The following SLC26A11 variants were observed in gnomAD, a reference collection of about 807,000 sequenced individuals.
The protein encoded by SLC26A11 is sodium-independent sulfate anion transporter.
A neutral mutation model predicts 62.2 loss-of-function variants in SLC26A11; 58 were observed. The observed-to-expected ratio is 0.93, with a 90% CI of 0.76 to 1.16. SLC26A11 has a LOEUF of 1.16. SLC26A11 is among the 50% of genes most tolerant of loss of function. The probability of loss-of-function intolerance (pLI) is 0.00; values close to 1 mark genes in which losing one functional copy is unlikely to be tolerated. For missense variants in SLC26A11, 790 were observed against 794.3 expected (o/e 0.99, Z 0.06); for synonymous variants, 411 against 368.9 (o/e 1.11, Z -1.31).
intron 11 of SLC26A11, 116 bp downstream of exon 11, chr17:80,245,372 C>T (rs939857504): frequency 1.5e-5 from 15 of 979,042 alleles, no homozygotes; most frequent in Middle Eastern, 2.1e-4. Context: ...GTGAACGCTC[C>T]GTGGAGAGGC....
chr17:80,250,837 C>G (rs144869309), intron 16 of SLC26A11, among the ~76,000 whole-genome samples: 99 of 150,118 alleles, frequency 6.6e-4, no homozygotes, highest in African/African-American at 2.3e-3. Flanking sequence ...CAAAAACAAA[C>G]AAACAAACAA....
rs555866920 is a variant in SLC26A11 at position 80,246,216 on chromosome 17, C to A, written c.1153+7C>A. On this transcript the variant is annotated splice_region_variant and intron_variant, in intron 12 of 17. Transcript: ENST00000361193. The surrounding 1 kb of genome is among the most constrained non-coding windows in gnomAD (Gnocchi z 4.4). Reference sequence around the variant, plus strand: ...GCGGGGGGCCTGGTGACGGGTAAGGCCCCCCATCTTCCCCTTGTGCCCGCA... The same window carrying A: ...GCGGGGGGCCTGGTGACGGGTAAGGACCCCCATCTTCCCCTTGTGCCCGCA... The A allele has an allele frequency of 2.5e-6, 4 of 1,608,220 alleles. No homozygotes were observed. The East Asian group carries it at 6.7e-5, about 27-fold the overall frequency.
Position 80,251,408 on chromosome 17 carries a change from A to G in SLC26A11, c.1729+7A>G, listed in dbSNP as rs776669792. 1.2e-6 allele frequency: 2 copies of G among 1,613,956 alleles called. No individual in the cohort carries two copies. The highest frequency in any genetic ancestry group is 1.1e-5 in the South Asian group (1 of 91,054). ...TCTACCCTGGAAGAAGCAGGTGGGC[A>G]CAGTCAGACATCCTGTGGCTTTGGT... On this transcript the variant is annotated splice_region_variant and intron_variant, in intron 17 of 17. Transcript: ENST00000361193.
intron 9 of SLC26A11, among the ~76,000 whole-genome samples, chr17:80,238,129 G>A (rs572731503): frequency 6.6e-5 from 10 of 152,318 alleles, no homozygotes; most frequent in East Asian, 3.9e-4. Context: ...AGGCTGAGAC[G>A]GGAGGATCAC....
At chr17:80,231,457 C>T (rs1287922090) in intron 7 of SLC26A11, among the ~76,000 whole-genome samples, 1 of 152,192 alleles carries the variant, frequency 6.6e-6, no homozygotes, top group Non-Finnish European at 1.5e-5. Flanking sequence ...AGCCACTGTG[C>T]CCGGCCTTTT....
At chr17:80,250,731 G>A (rs2043134245) in intron 16 of SLC26A11, among the ~76,000 whole-genome samples, 1 of 152,136 alleles carries the variant, frequency 6.6e-6, no homozygotes, top group African/African-American at 2.4e-5. Flanking sequence ...GGGGGCTGAG[G>A]CAGGAGAATC....
At chr17:80,240,585 C>T (rs1003809695) in intron 9 of SLC26A11, among the ~76,000 whole-genome samples, 1 of 151,620 alleles carries the variant, frequency 6.6e-6, no homozygotes, top group African/African-American at 2.4e-5. Context: ...GGCGGATCAC[C>T]TGAGGTCAGG....
chr17:80,247,358 T>C (rs1279672567), intron 13 of SLC26A11, among the ~76,000 whole-genome samples: 1 of 152,126 alleles, frequency 6.6e-6, no homozygotes, highest in African/African-American at 2.4e-5. Context: ...AGCTGTTGGG[T>C]ACACCTCCCA....
At chr17:80,243,208 A>G (rs2042909646) in intron 10 of SLC26A11, among the ~76,000 whole-genome samples, 1 of 152,214 alleles carries the variant, frequency 6.6e-6, no homozygotes, top group Non-Finnish European at 1.5e-5. Flanking sequence ...GTTGGGTCAC[A>G]AAGGGACGTT....
chr17:80,221,646 C>T lies in SLC26A11; in HGVS notation c.86C>T (p.Ala29Val), dbSNP rs1424889074. The T allele has an allele frequency of 1.9e-6, 3 of 1,612,210 alleles. No individual in the cohort carries two copies. The highest frequency in any genetic ancestry group is 1.1e-5 in the South Asian group (1 of 91,058). Residue 29 changes from alanine to valine, a missense_variant, in exon 3 of 18, where the codon GCC becomes GTC. Coordinates refer to ENST00000361193, the MANE Select transcript of SLC26A11 (RefSeq NM_001166347.2). Reference protein sequence around the residue: ...APSACCCSPAALQRRLPILAW... With the variant: ...APSACCCSPAVLQRRLPILAW... ...AGCGCCTGCTGCTGCTCCCCTGCGGCCCTGCAGAGGAGGCTGCCCATCCTG... is the reference window on the plus strand; with the variant it reads ...AGCGCCTGCTGCTGCTCCCCTGCGGTCCTGCAGAGGAGGCTGCCCATCCTG...
At chr17:80,236,104 T>G (rs2042682534) in intron 7 of SLC26A11, among the ~76,000 whole-genome samples, 1 of 152,216 alleles carries the variant, frequency 6.6e-6, no homozygotes. Flanking sequence ...GGTAAAACCC[T>G]CTGGAGTCCC....
chr17:80,245,172 C>T (rs767337208), intron 10 of SLC26A11, 24 bp from the exon 11 acceptor site: 6 of 1,612,390 alleles, frequency 3.7e-6, no homozygotes, highest in African/African-American at 2.7e-5. Flanking sequence ...CCTCCACGAT[C>T]AGCCTGTCTT....
In SLC26A11 at chr17:80,221,757, C is replaced by T. The variant is rs375394500; in HGVS notation, c.197C>T (p.Ala66Val). 9.2e-5 allele frequency: 149 copies of T among 1,613,064 alleles called. No individual in the cohort carries two copies. The highest frequency in any genetic ancestry group is 1.2e-4 in the Non-Finnish European group (143 of 1,180,022). ...LSVGLTAIPQ[A>V]LAYAEVAGLP... ...GTTGGCCTCACTGCCATTCCCCAGG[C>T]GCTGGCCTATGCTGAAGTGGCTGGA... The change falls in exon 3 of 18, where the codon GCG (alanine) becomes GTG (valine). Residue 66 changes from alanine to valine, a missense_variant. Transcript: ENST00000361193.
In SLC26A11 at chr17:80,220,461, C is replaced by T; in HGVS notation, c.-249C>T. 1 of 696,374 alleles carries T rather than the reference C, an allele frequency of 1.4e-6. No homozygotes were observed. The highest frequency in any genetic ancestry group is 2.8e-5 in the South Asian group (1 of 35,128). The allele number at this position is 696,374 out of a possible 1,614,324, so 43.1% of individuals were successfully genotyped here. On this transcript the variant is annotated 5_prime_UTR_variant, in exon 1 of 18. Coordinates refer to ENST00000361193, the MANE Select transcript of SLC26A11 (RefSeq NM_001166347.2). The stretch of plus-strand genomic sequence containing the variant: ...GCGATTCCTGCGGACCCAGCTGCGG[C>T]GACGCCAGGAGACCCCAAGCTGCAT...
At chr17:80,225,790 T>C in intron 5 of SLC26A11, 47 bp from the exon 6 acceptor site, 2 of 1,559,452 alleles carry the variant, frequency 1.3e-6, no homozygotes, top group Non-Finnish European at 1.8e-6. Context: ...ACAGATGGCC[T>C]TGGTTTGGGA....
Position 80,249,137 on chromosome 17 carries a change from C to T in SLC26A11, c.1523-17C>T, listed in dbSNP as rs199553922. The T allele has an allele frequency of 1.1e-4, 169 of 1,600,506 alleles. 2 individuals carry two copies. The Admixed American group carries it at 1.4e-3, about 14-fold the overall frequency. On this transcript the variant is annotated splice_polypyrimidine_tract_variant and intron_variant, in intron 15 of 17. Coordinates refer to ENST00000361193, the MANE Select transcript of SLC26A11 (RefSeq NM_001166347.2). ...CTGCTCTGGGTGGCGTGACCTGGCT[C>T]GGGCCTGTCTCCCCAGTGTCCCCGC... is the stretch of plus-strand genomic sequence containing the variant.
intron 10 of SLC26A11, among the ~76,000 whole-genome samples, chr17:80,242,986 C>T (rs1016485521): frequency 2.6e-5 from 4 of 152,162 alleles, no homozygotes; most frequent in East Asian, 1.9e-4. Flanking sequence ...GGATTACAGG[C>T]GTGAGCCACC....
chr17:80,225,842 G>A lies in SLC26A11; in HGVS notation c.519G>A (p.Leu173=). 1 of 1,613,906 alleles carries A rather than the reference G, an allele frequency of 6.2e-7. No homozygotes were observed. Among genetic ancestry groups the A allele is most frequent in the Non-Finnish European group, 8.5e-7 (1 of 1,179,846 alleles). ...GCATCTCTGTGTTTGGACAGAACCT[G>A]CTGGGACTACAGAACATCCCCAGGC... The part of the protein sequence containing the change: ...VTIGFGQIKN[L]LGLQNIPRPF... The change falls in exon 6 of 18, where the codon CTG becomes CTA. Residue 173 remains leucine, a synonymous_variant. Transcript: ENST00000361193.
At position 80,220,932 on chromosome 17, in the gene SLC26A11, AG is replaced by A. The variant is rs1212404987; in HGVS notation, c.-194del. On this transcript the variant is annotated 5_prime_UTR_variant, in exon 2 of 18. Transcript: ENST00000361193. ...TCCTCCCAGAAGCAACTAGAACTCC[AG>A]GGCTGTGAAAGCCACAGGTGGGGGC... 6.6e-6 allele frequency: 1 copy of A among 152,586 alleles called. No homozygotes were observed. Among genetic ancestry groups the A allele is most frequent in the Non-Finnish European group, 1.5e-5 (1 of 68,336 alleles). The allele number at this position is 152,586 out of a possible 1,614,324, so 9.5% of individuals were successfully genotyped here. A position where few individuals can be genotyped will look rare whatever the true frequency, so the allele number is the denominator to read the frequency against.
Sources: gnomAD v4.1 joint callset for allele counts (sites outside exome capture counted in the v4.1 genomes callset) on GRCh38, gnomAD v4.1.1 for gene constraint, Gnocchi (gnomAD v3.1) non-coding constraint, MANE v1.5 for transcripts, NCBI Gene and HGNC (gene_info 2026-07-23, HGNC 2026-07-21) for gene names.